Variants in SLC25A21 observed in about 807,000 individuals in gnomAD.
The protein encoded by SLC25A21 is solute carrier family 25 member 21, also known as mitochondrial 2-oxodicarboxylate carrier.
Under a neutral mutation model 43.8 loss-of-function variants are expected in SLC25A21, and 47 were observed. The observed-to-expected ratio is 1.07, with a 90% CI of 0.85 to 1.37. The LOEUF (loss-of-function observed/expected upper bound fraction) is 1.37. Ranked by LOEUF, SLC25A21 falls within the 40% of genes most tolerant of loss-of-function variation. The probability of loss-of-function intolerance (pLI) is 0.00; values close to 1 mark genes in which losing one functional copy is unlikely to be tolerated. For missense variants in SLC25A21, 352 were observed against 350.2 expected (o/e 1.00, Z -0.04); for synonymous variants, 131 against 121.3 (o/e 1.08, Z -0.52).
Position 36,679,179 on chromosome 14 carries a change from C to CT in SLC25A21, c.*1478dup, listed in dbSNP as rs1555318108. The CT allele has an allele frequency of 3.0e-6, 3 of 984,556 alleles. No homozygotes were observed. The highest frequency in any genetic ancestry group is 4.7e-5 in the South Asian group (1 of 21,262). The allele number at this position is 984,556 out of a possible 1,614,324, so 61.0% of individuals were successfully genotyped here. A position where few individuals can be genotyped will look rare whatever the true frequency, so the allele number is the denominator to read the frequency against. ...GTGCAACAGAGACACATTCTTATTT[C>CT]TTTTTTTTCACAATTTTGTTTTGTT... On this transcript the variant is annotated 3_prime_UTR_variant, in exon 10 of 10. Transcript: ENST00000331299.
intron 2 of SLC25A21, among the ~76,000 whole-genome samples, chr14:36,835,914 A>G (rs1889193263): frequency 6.6e-6 from 1 of 152,078 alleles, no homozygotes; most frequent in East Asian, 1.9e-4. Flanking sequence ...TCTTCCTTCA[A>G]ATATGGTACC....
intron 5 of SLC25A21, 105 bp downstream of exon 5, chr14:36,729,402 T>C (rs1263600226): frequency 9.2e-6 from 8 of 870,356 alleles, no homozygotes; most frequent in Non-Finnish European, 1.4e-5. Context: ...ATAACTCGAA[T>C]TCATATTTTA....
At chr14:36,985,669 A>G (rs1280566049) in intron 1 of SLC25A21, among the ~76,000 whole-genome samples, 3 of 152,208 alleles carry the variant, frequency 2.0e-5, no homozygotes, top group African/African-American at 7.2e-5. Context: ...AAATGTTCGC[A>G]TACATTGCTG....
intron 2 of SLC25A21, chr14:36,828,614 G>A (rs899140509): frequency 6.6e-6 from 1 of 152,142 alleles, no homozygotes; most frequent in African/African-American, 2.4e-5. Context: ...CTACTTCTAC[G>A]GGTTAAATTG....
intron 1 of SLC25A21, among the ~76,000 whole-genome samples, chr14:37,144,041 C>T (rs1963617642): frequency 6.6e-6 from 1 of 152,028 alleles, no homozygotes; most frequent in Non-Finnish European, 1.5e-5. Flanking sequence ...CGGGACAGGT[C>T]TTGACTGAGA....
intron 2 of SLC25A21, among the ~76,000 whole-genome samples, chr14:36,815,082 C>G (rs1279140673): frequency 6.6e-6 from 1 of 152,122 alleles, no homozygotes; most frequent in East Asian, 1.9e-4. Flanking sequence ...GAAAACCAAA[C>G]ACTGCATGTT....
At chr14:36,694,061 C>T (rs892585866) in intron 7 of SLC25A21, among the ~76,000 whole-genome samples, 3 of 152,094 alleles carry the variant, frequency 2.0e-5, no homozygotes, top group Non-Finnish European at 4.4e-5. Flanking sequence ...ATCCCTCCCC[C>T]AGCCCCCCAA....
At chr14:36,733,026 A>G (rs919526044) in intron 4 of SLC25A21, among the ~76,000 whole-genome samples, 4 of 152,234 alleles carry the variant, frequency 2.6e-5, no homozygotes, top group African/African-American at 9.6e-5. Context: ...ACTCTGTTTT[A>G]TAAAGCTCAA....
intron 2 of SLC25A21, among the ~76,000 whole-genome samples, chr14:36,854,140 G>T (rs1018307693): frequency 6.6e-5 from 10 of 152,058 alleles, no homozygotes; most frequent in African/African-American, 2.4e-4. Context: ...CCAGATACTG[G>T]GAGTGCAAAT....
chr14:37,124,245 T>C (rs942486971), intron 1 of SLC25A21, among the ~76,000 whole-genome samples: 6 of 152,034 alleles, frequency 3.9e-5, no homozygotes, highest in South Asian at 2.1e-4. Context: ...GAGAGCCACA[T>C]TGGTTTTAAA....
intron 3 of SLC25A21, among the ~76,000 whole-genome samples, chr14:36,754,808 C>T (rs1356573454): frequency 6.6e-6 from 1 of 152,050 alleles, no homozygotes; most frequent in Non-Finnish European, 1.5e-5. Context: ...AATTTATCTA[C>T]TTGTACTTTG....
At chr14:37,159,131 T>G (rs564560322) in intron 1 of SLC25A21, among the ~76,000 whole-genome samples, 49 of 151,774 alleles carry the variant, frequency 3.2e-4, no homozygotes, top group African/African-American at 1.2e-3. Flanking sequence ...ATGAGAAGAA[T>G]TAATAACAAT....
chr14:37,022,055 A>ATT (rs11297120), intron 1 of SLC25A21, among the ~76,000 whole-genome samples: 8 of 150,120 alleles, frequency 5.3e-5, no homozygotes, highest in South Asian at 2.1e-4. Context: ...CTTCATAGGG[A>ATT]TTTTTTTTTT....
intron 1 of SLC25A21, among the ~76,000 whole-genome samples, chr14:36,959,541 T>C (rs1483308413): frequency 6.6e-6 from 1 of 152,092 alleles, no homozygotes; most frequent in East Asian, 1.9e-4. Context: ...GGGTAGGCTC[T>C]TCACAAAGCC....
At chr14:36,989,217 A>C (rs1960211110) in intron 1 of SLC25A21, among the ~76,000 whole-genome samples, 1 of 152,130 alleles carries the variant, frequency 6.6e-6, no homozygotes, top group South Asian at 2.1e-4. Flanking sequence ...CCTCTCCTAC[A>C]GTACATTCAG....
chr14:37,077,205 T>A (rs968124523), intron 1 of SLC25A21, among the ~76,000 whole-genome samples: 2 of 152,168 alleles, frequency 1.3e-5, no homozygotes, highest in African/African-American at 4.8e-5. Context: ...ATTGATAAAG[T>A]TTTTTACAGA....
chr14:37,082,362 T>C (rs1213230012), intron 1 of SLC25A21, among the ~76,000 whole-genome samples: 3 of 152,148 alleles, frequency 2.0e-5, no homozygotes. Flanking sequence ...CAAATCTGCA[T>C]CTCTAAACAT....
intron 1 of SLC25A21, among the ~76,000 whole-genome samples, chr14:37,122,538 A>G (rs972851888): frequency 3.3e-5 from 5 of 152,220 alleles, no homozygotes; most frequent in African/African-American, 1.2e-4. Context: ...TACACTGTAC[A>G]CATTGCCACA....
intron 1 of SLC25A21, among the ~76,000 whole-genome samples, chr14:36,944,122 C>G (rs964923739): frequency 1.3e-5 from 2 of 152,106 alleles, no homozygotes; most frequent in African/African-American, 4.8e-5. Context: ...CCCGTGTTGG[C>G]CTCTGTACTG....
Sources: allele counts gnomAD v4.1 joint callset (sites outside exome capture counted in the v4.1 genomes callset), GRCh38; gene constraint gnomAD v4.1.1; transcripts MANE v1.5; gene names NCBI Gene and HGNC (gene_info 2026-07-23, HGNC 2026-07-21).